The following LARGE1 variants were observed in gnomAD, a reference collection of about 807,000 sequenced individuals.
LARGE1 encodes LARGE xylosyl- and glucuronyltransferase 1, also known as xylosyl- and glucuronyltransferase LARGE1.
LARGE1 carries 43 observed loss-of-function variants against 87.6 expected under a neutral mutation model. The ratio of observed to expected loss-of-function variants is 0.49; its 90% CI spans 0.38 to 0.63. The LOEUF is 0.63. LARGE1 is among the 30% of genes least tolerant of loss of function. The pLI is 0.00. For missense variants in LARGE1, 802 were observed against 1,000.2 expected (o/e 0.80, Z 2.67); for synonymous variants, 434 against 394.6 (o/e 1.10, Z -1.18).
At chr22:33,637,216 C>T (rs1010536602) in intron 3 of LARGE1, among the ~76,000 whole-genome samples, 10 of 152,180 alleles carry the variant, frequency 6.6e-5, no homozygotes, top group African/African-American at 2.4e-4. Context: ...GACTCATCAT[C>T]TGGGCTGTGG....
chr22:33,646,597 T>TA (rs66869856), intron 3 of LARGE1, among the ~76,000 whole-genome samples: 11 of 149,308 alleles, frequency 7.4e-5, no homozygotes, highest in South Asian at 2.1e-4. Flanking sequence ...ATTTAAAGTT[T>TA]AAAAAAAAAA....
chr22:33,484,785 C>T (rs768590621), intron 6 of LARGE1, among the ~76,000 whole-genome samples: 7 of 152,178 alleles, frequency 4.6e-5, no homozygotes, highest in Non-Finnish European at 1.0e-4. Context: ...TTCCTCTTCA[C>T]ATCCTCTGAC....
chr22:33,350,712 C>T (rs955940115), intron 9 of LARGE1, among the ~76,000 whole-genome samples: 1 of 152,168 alleles, frequency 6.6e-6, no homozygotes, highest in Non-Finnish European at 1.5e-5. Context: ...TTCCGTGAGG[C>T]CCACTATTGC....
At chr22:33,398,340 T>C (rs1006598439) in intron 7 of LARGE1, among the ~76,000 whole-genome samples, 1 of 151,874 alleles carries the variant, frequency 6.6e-6, no homozygotes, top group African/African-American at 2.4e-5. Flanking sequence ...TAATACGAAG[T>C]TAAAAAAAAA....
chr22:33,664,425 T>C (rs2081211119), intron 2 of LARGE1, among the ~76,000 whole-genome samples: 2 of 152,204 alleles, frequency 1.3e-5, no homozygotes, highest in Admixed American at 1.3e-4. Context: ...GATCTTAAAA[T>C]ATACCCTGGA....
chr22:33,772,367 A>C lies in LARGE1; in HGVS notation c.-82-10809T>G, dbSNP rs531065690. Among the ~76,000 whole-genome samples, 34 of 151,098 alleles carry C rather than the reference A, an allele frequency of 2.3e-4. No homozygotes were observed. In the South Asian group the frequency reaches 6.9e-3, roughly 31 times the overall value. ...AGGAGATTACTCAGTGTCTCTCATC[A>C]ACTCTTAAATCCAAACTCTTTGCTC... On this transcript the variant is annotated intron_variant, in intron 1 of 14. Transcript: ENST00000397394.
intron 6 of LARGE1, among the ~76,000 whole-genome samples, chr22:33,444,242 C>G (rs2067601471): frequency 6.6e-6 from 1 of 152,178 alleles, no homozygotes; most frequent in Non-Finnish European, 1.5e-5. Flanking sequence ...AACAGTAAAA[C>G]TCATCCTACT....
intron 1 of LARGE1, among the ~76,000 whole-genome samples, chr22:33,908,416 C>T (rs890296925): frequency 7.9e-5 from 12 of 151,952 alleles, no homozygotes; most frequent in Non-Finnish European, 1.8e-4. Flanking sequence ...ACAAGTGTCC[C>T]AGGCAGATAA....
chr22:33,442,917 C>G (rs939898045), intron 6 of LARGE1, among the ~76,000 whole-genome samples: 2 of 152,022 alleles, frequency 1.3e-5, no homozygotes, highest in African/African-American at 4.8e-5. Flanking sequence ...CTCAGCCTCC[C>G]GAGTAGCTGG....
intron 6 of LARGE1, among the ~76,000 whole-genome samples, chr22:33,483,920 G>A (rs760617997): frequency 8.5e-5 from 13 of 152,256 alleles, no homozygotes; most frequent in African/African-American, 2.4e-4. Context: ...CAGCAGAGGC[G>A]GTCAACACCA....
intron 7 of LARGE1, among the ~76,000 whole-genome samples, chr22:33,424,297 G>T (rs969292542): frequency 6.6e-6 from 1 of 152,188 alleles, no homozygotes; most frequent in Non-Finnish European, 1.5e-5. Flanking sequence ...TATCATTCAG[G>T]TCAGAGTGTC....
chr22:33,572,087 T>C, intron 5 of LARGE1: 1 of 588,540 alleles, frequency 1.7e-6, no homozygotes, highest in Non-Finnish European at 2.9e-6. Context: ...ATATATGTAA[T>C]CTGTAAGCTC....
intron 4 of LARGE1, among the ~76,000 whole-genome samples, chr22:33,623,154 T>A (rs953593436): frequency 2.6e-5 from 4 of 151,240 alleles, no homozygotes; most frequent in East Asian, 1.9e-4. Flanking sequence ...TTTTTTTTTT[T>A]AAACCAGGGA....
At chr22:33,243,472 C>T (rs920421270) in intron 11 of LARGE1, among the ~76,000 whole-genome samples, 4 of 152,328 alleles carry the variant, frequency 2.6e-5, no homozygotes, top group African/African-American at 9.6e-5. Flanking sequence ...TATTCTAGAA[C>T]ATCAAATATT....
intron 1 of LARGE1, among the ~76,000 whole-genome samples, chr22:33,779,769 A>G (rs2085358179): frequency 6.6e-6 from 1 of 152,214 alleles, no homozygotes; most frequent in African/African-American, 2.4e-5. Context: ...CTGGGCAACA[A>G]GAGCAAAACT....
chr22:33,388,276 A>C (rs1003464332), intron 7 of LARGE1, among the ~76,000 whole-genome samples: 2 of 152,182 alleles, frequency 1.3e-5, no homozygotes, highest in Admixed American at 6.5e-5. Flanking sequence ...TAAATATCCT[A>C]ATCTTGATTC....
intron 6 of LARGE1, among the ~76,000 whole-genome samples, chr22:33,536,035 C>T (rs530364360): frequency 6.6e-6 from 1 of 152,296 alleles, no homozygotes; most frequent in Non-Finnish European, 1.5e-5. Context: ...TCACTTAAAA[C>T]ACATGTGCAA....
chr22:33,527,055 G>A (rs1297325885), intron 6 of LARGE1, among the ~76,000 whole-genome samples: 1 of 152,144 alleles, frequency 6.6e-6, no homozygotes, highest in Non-Finnish European at 1.5e-5. Context: ...TCAGGAGTTC[G>A]AGACCAGCCT....
the LARGE1 span, among the ~76,000 whole-genome samples, chr22:33,094,839 C>T: frequency 6.6e-6 from 1 of 152,244 alleles, no homozygotes; most frequent in Admixed American, 6.5e-5. Context: ...CTGCCTCAGC[C>T]TCCTGAGTAG....
Sources: allele counts gnomAD v4.1 joint callset (sites outside exome capture counted in the v4.1 genomes callset), GRCh38; gene constraint gnomAD v4.1.1; transcripts MANE v1.5; gene names NCBI Gene and HGNC (gene_info 2026-07-23, HGNC 2026-07-21).